RGS9: variants seen among roughly 807,000 people sequenced by gnomAD.
RGS9 encodes regulator of G-protein signalling 9.
RGS9 carries 78 observed loss-of-function variants against 102.0 expected under a neutral mutation model. That is an observed-to-expected ratio of 0.76 (90% CI 0.64 to 0.92). RGS9 has a LOEUF of 0.92. Ranked by LOEUF, RGS9 falls within the 40% of genes least tolerant of loss-of-function variation. RGS9 has a pLI of 0.00. For synonymous variants in RGS9, 353 were observed against 318.6 expected (o/e 1.11, Z -1.15); for missense variants, 833 against 866.1 (o/e 0.96, Z 0.48).
intron 8 of RGS9, among the ~76,000 whole-genome samples, chr17:65,176,605 T>C (rs959842160): frequency 1.3e-5 from 2 of 152,184 alleles, no homozygotes; most frequent in African/African-American, 4.8e-5. Flanking sequence ...AGGAGCACTG[T>C]GGGAAGAGTC....
chr17:65,217,253 G>A (rs1241500222), intron 17 of RGS9, among the ~76,000 whole-genome samples: 3 of 152,240 alleles, frequency 2.0e-5, no homozygotes, highest in Non-Finnish European at 4.4e-5. Flanking sequence ...CTCTGCTGAG[G>A]TGGATCAGAG....
At chr17:65,224,444 G>A (rs988191995) in intron 17 of RGS9, among the ~76,000 whole-genome samples, 4 of 152,180 alleles carry the variant, frequency 2.6e-5, no homozygotes, top group Admixed American at 1.3e-4. Context: ...GCTGGGCCTA[G>A]ACCACCCCAA....
chr17:65,179,354 C>T (rs1911764537), intron 9 of RGS9, among the ~76,000 whole-genome samples: 1 of 152,214 alleles, frequency 6.6e-6, no homozygotes. Flanking sequence ...TCAGCCTTAA[C>T]TCAGCTGTTC....
chr17:65,178,636 TAGGACCAC>T lies in RGS9; in HGVS notation c.654+837_654+844del, dbSNP rs1911738726. Among the ~76,000 whole-genome samples the T allele has an allele frequency of 5.3e-5, 8 of 152,146 alleles. No homozygotes were observed. In the South Asian group the frequency reaches 1.7e-3, roughly 32 times the overall value. The stretch of plus-strand genomic sequence containing the variant: ...CTCCTGCCTTAGCCACCCAAGTAGC[TAGGACCAC>T]AGGCACATGCCACCGTGCTTGGCTA... On this transcript the variant is annotated intron_variant, in intron 9 of 18. Coordinates refer to ENST00000262406, the MANE Select transcript of RGS9 (RefSeq NM_003835.4).
chr17:65,224,235 T>A (rs558101416), intron 17 of RGS9, among the ~76,000 whole-genome samples: 1 of 152,368 alleles, frequency 6.6e-6, no homozygotes, highest in South Asian at 2.1e-4. Flanking sequence ...GGGCTGTAAA[T>A]GCCAGATTTA....
intron 13 of RGS9, 62 bp downstream of exon 13, chr17:65,197,303 T>C: frequency 9.2e-7 from 1 of 1,090,402 alleles, no homozygotes; most frequent in Non-Finnish European, 1.4e-6. Flanking sequence ...TCCTTTAATG[T>C]CTAGCCTAGG....
chr17:65,199,488 CTTTTTTTTTTT>C (rs3034101), intron 13 of RGS9, among the ~76,000 whole-genome samples: 11 of 108,330 alleles, frequency 1.0e-4, no homozygotes, highest in Non-Finnish European at 1.8e-4. Flanking sequence ...GCTTCTGTTC[CTTTTTTTTTTT>C]TTTTTTTTTT....
intron 9 of RGS9, chr17:65,180,164 C>G (rs943194723): frequency 1.3e-5 from 2 of 152,180 alleles, no homozygotes; most frequent in Admixed American, 6.5e-5. Flanking sequence ...GTCTGCGAGT[C>G]CCCTGTGTTC....
intron 7 of RGS9, among the ~76,000 whole-genome samples, chr17:65,167,264 C>T (rs1316224870): frequency 2.0e-5 from 3 of 152,152 alleles, no homozygotes; most frequent in Non-Finnish European, 2.9e-5. Context: ...TGCAGTGGCG[C>T]GATCTCGGCT....
rs1298963250 is a variant in RGS9, at chr17:65,137,394, AG to A, written c.-141del. On this transcript the variant is annotated 5_prime_UTR_variant, in exon 1 of 19. Transcript: ENST00000262406. ...AAGTCAGCGGCGCCTAGTGAGAGTC[AG>A]GGGGGCCCGGCCCGCGCCCTCCCCG... 9.3e-6 allele frequency: 7 copies of A among 756,120 alleles called. No individual in the cohort carries two copies. Among genetic ancestry groups the A allele is most frequent in the African/African-American group, 1.7e-5 (1 of 57,994 alleles). The allele number at this position is 756,120 out of a possible 1,614,324, so 46.8% of individuals were successfully genotyped here.
intron 1 of RGS9, among the ~76,000 whole-genome samples, chr17:65,145,290 AC>A (rs1480708534): frequency 6.6e-6 from 1 of 151,392 alleles, no homozygotes; most frequent in Non-Finnish European, 1.5e-5. Context: ...ATGGGGTTTC[AC>A]CTTATTGGCC....
chr17:65,209,759 C>T lies in RGS9; in HGVS notation c.1290-729C>T, dbSNP rs144155452. On this transcript the variant is annotated intron_variant, in intron 16 of 18. Transcript: ENST00000262406. ...TTTTGGACAGTCCAGCTCTTTCCTT[C>T]CTTCCCAGAACCATAGCTTTTGAAA... 6.3e-3 allele frequency among the ~76,000 whole-genome samples: 966 copies of T among 152,344 alleles called. 8 individuals carry two copies. Among genetic ancestry groups the T allele is most frequent in the Middle Eastern group, 0.02 (6 of 294 alleles).
At chr17:65,183,514 C>T (rs1911981143) in intron 9 of RGS9, among the ~76,000 whole-genome samples, 1 of 152,150 alleles carries the variant, frequency 6.6e-6, no homozygotes, top group Non-Finnish European at 1.5e-5. Context: ...CCAGGCTGAT[C>T]TTGAACTCCT....
At chr17:65,165,553 C>T (rs1911144359) in intron 7 of RGS9, among the ~76,000 whole-genome samples, 1 of 152,152 alleles carries the variant, frequency 6.6e-6, no homozygotes, top group Non-Finnish European at 1.5e-5. Context: ...TCTCATGTTG[C>T]TGTCAAACCT....
rs750001133 is a variant in RGS9 at position 65,225,303 on chromosome 17, C to G, written c.1709C>G (p.Pro570Arg). ...SLDTSWPRSR[P>R]RAPPKARMAL... Reference sequence around the variant, plus strand: ...GACACCTCCTGGCCTCGCAGCCGGCCCAGGGCCCCTCCTAAGGCCCGCATG... The same window carrying G: ...GACACCTCCTGGCCTCGCAGCCGGCGCAGGGCCCCTCCTAAGGCCCGCATG... Residue 570 changes from proline (P) to arginine (R), a missense_variant, in exon 18 of 19, where the codon CCC (proline) becomes CGC (arginine). This residue lies in a region of RGS9 where 320 missense variants were observed against 276.8 expected (regional missense o/e 1.16). Transcript: ENST00000262406. 2 of 1,609,832 alleles carry G rather than the reference C, an allele frequency of 1.2e-6. No individual in the cohort carries two copies. The highest frequency in any genetic ancestry group is 1.7e-6 in the Non-Finnish European group (2 of 1,179,986).
intron 17 of RGS9, among the ~76,000 whole-genome samples, chr17:65,224,188 G>A (rs1567897021): frequency 6.6e-6 from 1 of 152,208 alleles, no homozygotes. Context: ...TGAAAATTCC[G>A]ATTTTAATTT....
chr17:65,219,950 C>T (rs1913646928), intron 17 of RGS9, among the ~76,000 whole-genome samples: 1 of 151,494 alleles, frequency 6.6e-6, no homozygotes, highest in South Asian at 2.1e-4. Context: ...CACCGCCATC[C>T]TCACCATCAC....
intron 1 of RGS9, among the ~76,000 whole-genome samples, chr17:65,149,315 A>C (rs1376728443): frequency 6.6e-6 from 1 of 152,168 alleles, no homozygotes; most frequent in East Asian, 1.9e-4. Flanking sequence ...AATGAGTCCT[A>C]GTGAAATTTA....
chr17:65,206,376 G>C (rs1014414227), intron 15 of RGS9, among the ~76,000 whole-genome samples: 15 of 152,018 alleles, frequency 9.9e-5, no homozygotes, highest in African/African-American at 3.4e-4. Flanking sequence ...AAAACGTTTT[G>C]GTTCTTAAAA....
Sources: allele counts gnomAD v4.1 joint callset (sites outside exome capture counted in the v4.1 genomes callset), GRCh38; gene constraint gnomAD v4.1.1; regional missense constraint gnomAD v4.1.1; transcripts MANE v1.5; gene names NCBI Gene and HGNC (gene_info 2026-07-23, HGNC 2026-07-21).